CCDC15: variants seen among roughly 807,000 people sequenced by gnomAD.
The protein encoded by CCDC15 is coiled-coil domain containing 15.
A neutral mutation model predicts 114.5 loss-of-function variants in CCDC15; 105 were observed. The observed-to-expected ratio is 0.92, with a 90% CI of 0.78 to 1.08. The LOEUF is 1.08. Among genes scored for constraint, CCDC15 ranks in the 50% least tolerant of loss-of-function variants. The pLI is 0.00. For missense variants in CCDC15, 1,105 were observed against 1,093.6 expected (o/e 1.01, Z -0.15); for synonymous variants, 334 against 377.8 (o/e 0.88, Z 1.34).
At chr11:125,004,967 A>G (rs1948535993) in intron 12 of CCDC15, 142 bp from the exon 13 acceptor site, 1 of 485,842 alleles carries the variant, frequency 2.1e-6, no homozygotes, top group South Asian at 4.2e-5. Flanking sequence ...ACAGAAGGAA[A>G]TTAAAGACTT....
At chr11:124,969,501 T>G (rs955287307) in intron 4 of CCDC15, among the ~76,000 whole-genome samples, 1 of 152,216 alleles carries the variant, frequency 6.6e-6, no homozygotes, top group Non-Finnish European at 1.5e-5. Flanking sequence ...CCCTATTCAG[T>G]TTGCTACTGT....
intron 13 of CCDC15, among the ~76,000 whole-genome samples, chr11:125,027,517 G>A (rs954419868): frequency 6.6e-6 from 1 of 151,620 alleles, no homozygotes; most frequent in Non-Finnish European, 1.5e-5. Flanking sequence ...TCATATGTTT[G>A]TTGGCTGTTT....
At chr11:124,966,462 G>C (rs1392000814) in intron 4 of CCDC15, among the ~76,000 whole-genome samples, 1 of 144,310 alleles carries the variant, frequency 6.9e-6, no homozygotes, top group Non-Finnish European at 1.5e-5. Context: ...TGCAACCCCT[G>C]CTTTTTTTTT....
chr11:124,955,611 T>C (rs1947535044), intron 2 of CCDC15, among the ~76,000 whole-genome samples: 2 of 152,228 alleles, frequency 1.3e-5, no homozygotes, highest in East Asian at 1.9e-4. Flanking sequence ...CTAATCAATA[T>C]AGACACTCAT....
intron 13 of CCDC15, among the ~76,000 whole-genome samples, chr11:125,018,518 A>G (rs764490808): frequency 1.3e-5 from 2 of 152,072 alleles, no homozygotes; most frequent in Non-Finnish European, 2.9e-5. Flanking sequence ...ACAAGATAAT[A>G]CAGCACGTGG....
intron 6 of CCDC15, 23 bp from the exon 7 acceptor site, chr11:124,986,719 G>GCGCGCGCGCA (rs1555068532): frequency 6.5e-7 from 1 of 1,532,730 alleles, no homozygotes; most frequent in African/African-American, 1.4e-5. Context: ...GCGCGTGCGC[G>GCGCGCGCGCA]TTTTCATTGT....
chr11:124,988,792 A>G (rs2135487370), intron 8 of CCDC15, among the ~76,000 whole-genome samples: 1 of 152,364 alleles, frequency 6.6e-6, no homozygotes, highest in East Asian at 1.9e-4. Context: ...GCTCATCATA[A>G]GAAGTAACTC....
At chr11:124,967,085 A>T (rs1947796483) in intron 4 of CCDC15, among the ~76,000 whole-genome samples, 3 of 152,092 alleles carry the variant, frequency 2.0e-5, no homozygotes, top group Admixed American at 6.5e-5. Context: ...CCTTCATTTC[A>T]ACCTTGGTGA....
chr11:125,005,127 AG>A lies in CCDC15; in HGVS notation c.2327del (p.Arg776AsnfsTer46), dbSNP rs1162398484. 6.5e-7 allele frequency: 1 copy of A among 1,540,456 alleles called. No individual in the cohort carries two copies. Among genetic ancestry groups the A allele is most frequent in the South Asian group, 1.2e-5 (1 of 82,764 alleles). The stretch of plus-strand genomic sequence containing the variant: ...CCTTTAGCGTCAAAAGCAGTACCTG[AG>A]ACATAGACGACTTTTCATGGATATT... ...DKKERQKQYL[R>X]HRRLFMDIER... On this transcript the variant is annotated frameshift_variant, in exon 13 of 16. Transcript: ENST00000344762. LOFTEE classifies it high-confidence loss of function.
At chr11:124,966,288 A>G (rs1947780738) in intron 4 of CCDC15, among the ~76,000 whole-genome samples, 1 of 152,130 alleles carries the variant, frequency 6.6e-6, no homozygotes. Context: ...GTCTCTTTGT[A>G]GGTCTCTAAG....
At chr11:124,964,980 AG>A (rs1947746609) in intron 4 of CCDC15, among the ~76,000 whole-genome samples, 1 of 151,840 alleles carries the variant, frequency 6.6e-6, no homozygotes, top group African/African-American at 2.4e-5. Context: ...CTTGCATCCC[AG>A]GGATGAAGCC....
chr11:125,023,784 A>G (rs1948677437), intron 13 of CCDC15, among the ~76,000 whole-genome samples: 1 of 152,050 alleles, frequency 6.6e-6, no homozygotes, highest in South Asian at 2.1e-4. Context: ...GCATATCTGT[A>G]CAAAGGAATG....
At chr11:125,027,650 C>G (rs936413708) in intron 13 of CCDC15, among the ~76,000 whole-genome samples, 1 of 151,726 alleles carries the variant, frequency 6.6e-6, no homozygotes, top group Non-Finnish European at 1.5e-5. Context: ...GTTGGATGCA[C>G]AGTTTGCAAT....
At chr11:124,991,867 A>G (rs1173637296) in intron 9 of CCDC15, among the ~76,000 whole-genome samples, 1 of 152,134 alleles carries the variant, frequency 6.6e-6, no homozygotes. Context: ...TTTTTTTAGT[A>G]GAGATGGGGT....
rs190147386 is a variant in CCDC15 at position 125,033,267 on chromosome 11, G to A, written c.2412-5164G>A. Among the ~76,000 whole-genome samples the A allele has an allele frequency of 7.2e-5, 11 of 152,266 alleles. No homozygotes were observed. The East Asian group carries it at 9.6e-4, about 13-fold the overall frequency. On this transcript the variant is annotated intron_variant, in intron 13 of 15. Transcript: ENST00000344762. The stretch of plus-strand genomic sequence containing the variant: ...TATCAATTTCACTTCTAGAAACACC[G>A]TGATTAATTAGCCAGTGCCAGAGCT...
chr11:125,009,859 C>G (rs778817339), intron 13 of CCDC15, among the ~76,000 whole-genome samples: 22 of 152,152 alleles, frequency 1.4e-4, no homozygotes, highest in Non-Finnish European at 3.1e-4. Flanking sequence ...GTTGCATAGT[C>G]TTCTATGGTG....
At chr11:124,969,251 A>G (rs1947838931) in intron 4 of CCDC15, among the ~76,000 whole-genome samples, 1 of 152,134 alleles carries the variant, frequency 6.6e-6, no homozygotes, top group East Asian at 1.9e-4. Context: ...GGTATTACCT[A>G]CTTGTTCAAA....
chr11:125,021,086 C>T (rs1008236280), intron 13 of CCDC15, among the ~76,000 whole-genome samples: 2 of 151,560 alleles, frequency 1.3e-5, no homozygotes, highest in Non-Finnish European at 3.0e-5. Flanking sequence ...TACATAAAAT[C>T]GCCTGGGGGG....
chr11:124,977,361 A>G (rs1259368118), intron 5 of CCDC15, 117 bp from the exon 6 acceptor site: 11 of 930,064 alleles, frequency 1.2e-5, no homozygotes, highest in Non-Finnish European at 1.4e-5. Context: ...TTTACTGTGT[A>G]TTAGACTACC....
Sources: gnomAD v4.1 joint callset for allele counts (sites outside exome capture counted in the v4.1 genomes callset) on GRCh38, gnomAD v4.1.1 for gene constraint, MANE v1.5 for transcripts, NCBI Gene and HGNC (gene_info 2026-07-23, HGNC 2026-07-21) for gene names.